CADPS2: variants seen among roughly 807,000 people sequenced by gnomAD.
CADPS2 encodes the protein calcium dependent secretion activator 2.
A neutral mutation model predicts 172.5 loss-of-function variants in CADPS2; 93 were observed. The ratio of observed to expected loss-of-function variants is 0.54; its 90% CI spans 0.46 to 0.64. CADPS2 has a LOEUF of 0.64. CADPS2 is among the 30% of genes least tolerant of loss of function. CADPS2 has a pLI of 0.00. For missense variants in CADPS2, 1,420 were observed against 1,565.9 expected (o/e 0.91, Z 1.57); for synonymous variants, 546 against 555.2 (o/e 0.98, Z 0.23).
At chr7:122,507,799 G>A (rs1203023790) in intron 9 of CADPS2, among the ~76,000 whole-genome samples, 2 of 152,142 alleles carry the variant, frequency 1.3e-5, no homozygotes, top group Non-Finnish European at 2.9e-5. Flanking sequence ...TAGTATGGTG[G>A]TGGAGAAGAT....
At chr7:122,558,368 C>A (rs1322062464) in intron 7 of CADPS2, among the ~76,000 whole-genome samples, 1 of 152,146 alleles carries the variant, frequency 6.6e-6, no homozygotes, top group Non-Finnish European at 1.5e-5. Context: ...TAGCTCTGTA[C>A]AAATAACTTT....
chr7:122,574,409 G>A (rs558940933), intron 7 of CADPS2, among the ~76,000 whole-genome samples: 3 of 121,958 alleles, frequency 2.5e-5, no homozygotes, highest in Non-Finnish European at 3.2e-5. Flanking sequence ...TTGTGCCACC[G>A]TACTCCAGCC....
At chr7:122,730,630 G>A (rs1239960152) in intron 2 of CADPS2, among the ~76,000 whole-genome samples, 3 of 151,616 alleles carry the variant, frequency 2.0e-5, no homozygotes, top group Non-Finnish European at 3.0e-5. Flanking sequence ...GTATGCTAAT[G>A]TCATATAAAT....
intron 8 of CADPS2, among the ~76,000 whole-genome samples, chr7:122,519,160 G>T (rs2130977173): frequency 6.6e-6 from 1 of 152,066 alleles, no homozygotes; most frequent in South Asian, 2.1e-4. Context: ...GTTAAAAGAG[G>T]TATCCCATTG....
chr7:122,755,741 A>C (rs947015343), intron 1 of CADPS2, among the ~76,000 whole-genome samples: 6 of 151,770 alleles, frequency 4.0e-5, no homozygotes, highest in Admixed American at 1.3e-4. Flanking sequence ...AAAAAAAAAA[A>C]GGGAAACTGA....
At chr7:122,527,910 C>T (rs561361234) in intron 8 of CADPS2, among the ~76,000 whole-genome samples, 10 of 152,116 alleles carry the variant, frequency 6.6e-5, no homozygotes, top group African/African-American at 2.4e-4. Context: ...GAGAGACAGA[C>T]AAACAGAGAA....
At chr7:122,747,661 A>G (rs1400846916) in intron 1 of CADPS2, among the ~76,000 whole-genome samples, 4 of 152,120 alleles carry the variant, frequency 2.6e-5, no homozygotes, top group Non-Finnish European at 4.4e-5. Context: ...TAAGAAAGTT[A>G]CCCAGTTCAC....
chr7:122,367,376 C>CTT (rs142503237), intron 25 of CADPS2, among the ~76,000 whole-genome samples: 45 of 149,912 alleles, frequency 3.0e-4, no homozygotes, highest in Non-Finnish European at 4.7e-4. Context: ...TTCCTAAATC[C>CTT]TTTTTTTTTG....
At chr7:122,825,544 T>C (rs1167074234) in intron 1 of CADPS2, among the ~76,000 whole-genome samples, 6 of 152,188 alleles carry the variant, frequency 3.9e-5, no homozygotes, top group Non-Finnish European at 1.5e-5. Context: ...GTGGTTAATA[T>C]GATTACTTAC....
At chr7:122,367,924 A>G (rs2041193711) in intron 25 of CADPS2, 1 of 151,702 alleles carries the variant, frequency 6.6e-6, no homozygotes, top group Non-Finnish European at 1.5e-5. Context: ...TCTATCCTCC[A>G]TCTTCAAAGC....
chr7:122,660,786 TG>T (rs2080443143), intron 3 of CADPS2, among the ~76,000 whole-genome samples: 1 of 152,008 alleles, frequency 6.6e-6, no homozygotes, highest in Admixed American at 6.6e-5. Flanking sequence ...GTGTGGTGCC[TG>T]TAATCCCAGC....
intron 20 of CADPS2, among the ~76,000 whole-genome samples, chr7:122,403,186 TTA>T (rs1371292004): frequency 6.6e-6 from 1 of 152,150 alleles, no homozygotes; most frequent in East Asian, 1.9e-4. Context: ...GCTGGAAGAA[TTA>T]TGTTTTATCA....
At chr7:122,538,063 C>T (rs1047208727) in intron 8 of CADPS2, among the ~76,000 whole-genome samples, 1 of 151,322 alleles carries the variant, frequency 6.6e-6, no homozygotes, top group African/African-American at 2.4e-5. Flanking sequence ...TACCTCCAAC[C>T]GAAGTTTCCA....
intron 1 of CADPS2, among the ~76,000 whole-genome samples, chr7:122,752,739 A>G (rs192018156): frequency 6.6e-6 from 1 of 152,288 alleles, no homozygotes; most frequent in Non-Finnish European, 1.5e-5. Flanking sequence ...AACTTCCTAC[A>G]ACAGGTTAAT....
At chr7:122,676,584 C>A in intron 2 of CADPS2, 1 of 961,368 alleles carries the variant, frequency 1.0e-6, no homozygotes. Flanking sequence ...ATATCCACTT[C>A]ACACAGCATG....
intron 14 of CADPS2, among the ~76,000 whole-genome samples, chr7:122,460,315 T>C (rs1408276016): frequency 6.6e-6 from 1 of 151,770 alleles, no homozygotes; most frequent in African/African-American, 2.4e-5. Flanking sequence ...GGGGCAAATA[T>C]GAACAACATG....
chr7:122,812,086 A>G (rs2140175478), intron 1 of CADPS2, among the ~76,000 whole-genome samples: 1 of 152,104 alleles, frequency 6.6e-6, no homozygotes, highest in Middle Eastern at 3.4e-3. Flanking sequence ...GTCCCAAAGG[A>G]CTAAAGATTC....
intron 17 of CADPS2, chr7:122,436,391 A>G (rs1036696220): frequency 7.8e-7 from 1 of 1,273,926 alleles, no homozygotes; most frequent in Non-Finnish European, 1.0e-6. Flanking sequence ...CTAAAACATA[A>G]GAAAAGAGAA....
intron 27 of CADPS2, among the ~76,000 whole-genome samples, chr7:122,358,678 C>G (rs1728396804): frequency 6.6e-6 from 1 of 152,048 alleles, no homozygotes; most frequent in Non-Finnish European, 1.5e-5. Flanking sequence ...GAGACAGCTT[C>G]AGAGAGGCAT....
Sources: gnomAD v4.1 joint callset for allele counts (sites outside exome capture counted in the v4.1 genomes callset) on GRCh38, gnomAD v4.1.1 for gene constraint, MANE v1.5 for transcripts, NCBI Gene and HGNC (gene_info 2026-07-23, HGNC 2026-07-21) for gene names.